Variants in SIL1 observed in about 807,000 individuals in gnomAD.
SIL1 encodes the protein nucleotide exchange factor SIL1.
In SIL1, 40 loss-of-function variants were observed where a neutral mutation model predicts 49.1. The observed-to-expected ratio is 0.81, with a 90% CI of 0.63 to 1.06. SIL1 has a LOEUF of 1.06. Among genes scored for constraint, SIL1 ranks in the 50% least tolerant of loss-of-function variants. SIL1 has a pLI of 0.00. For synonymous variants in SIL1, 253 were observed against 250.8 expected (o/e 1.01, Z -0.08); for missense variants, 500 against 572.6 (o/e 0.87, Z 1.29).
intron 5 of SIL1, among the ~76,000 whole-genome samples, chr5:139,040,515 T>G (rs77883467): frequency 7.1e-5 from 8 of 113,016 alleles, no homozygotes; most frequent in African/African-American, 2.6e-4. Flanking sequence ...TTTTTTTTTT[T>G]GAGACAGAGT....
At chr5:139,037,893 A>C (rs1414800394) in intron 5 of SIL1, among the ~76,000 whole-genome samples, 1 of 152,198 alleles carries the variant, frequency 6.6e-6, no homozygotes, top group Non-Finnish European at 1.5e-5. Flanking sequence ...CAGCTTAAAC[A>C]ACATACATTT....
chr5:139,074,804 A>G (rs1769908970), intron 3 of SIL1, among the ~76,000 whole-genome samples: 6 of 140,528 alleles, frequency 4.3e-5, no homozygotes, highest in Admixed American at 7.1e-5. Flanking sequence ...AGAACTAAGC[A>G]TCTCTTTCTC....
At chr5:139,037,212 T>C (rs1485039224) in intron 5 of SIL1, among the ~76,000 whole-genome samples, 4 of 152,148 alleles carry the variant, frequency 2.6e-5, no homozygotes, top group African/African-American at 9.7e-5. Context: ...CGCTCAATCA[T>C]TGTTCCCCTA....
At chr5:139,106,913 G>A (rs926154438) in intron 3 of SIL1, among the ~76,000 whole-genome samples, 10 of 152,340 alleles carry the variant, frequency 6.6e-5, no homozygotes, top group South Asian at 4.1e-4. Context: ...ATCAAACAAT[G>A]AGCGTAGGGG....
At chr5:138,999,235 G>A (rs1024494112) in intron 7 of SIL1, among the ~76,000 whole-genome samples, 4 of 152,148 alleles carry the variant, frequency 2.6e-5, no homozygotes, top group African/African-American at 9.7e-5. Context: ...TTTTCCATCA[G>A]TGTTTTATAG....
chr5:138,991,732 A>G lies in SIL1; in HGVS notation c.767+29439T>C, dbSNP rs147864340. Among the ~76,000 whole-genome samples the G allele has an allele frequency of 2.0e-5, 3 of 152,356 alleles. No individual in the cohort carries two copies. The East Asian group carries it at 5.8e-4, about 29-fold the overall frequency. On this transcript the variant is annotated intron_variant, in intron 7 of 9. Coordinates refer to ENST00000394817, the MANE Select transcript of SIL1 (RefSeq NM_022464.5). ...AAGAAGAGCTGCTGGGAGAGAATAC[A>G]TCTAACTGATCAGAATTTAACAAAC... is the stretch of plus-strand genomic sequence containing the variant.
At chr5:139,030,899 T>C (rs1768776727) in intron 5 of SIL1, among the ~76,000 whole-genome samples, 1 of 152,224 alleles carries the variant, frequency 6.6e-6, no homozygotes. Context: ...GCAATGTAGT[T>C]GCTTTAATGT....
intron 1 of SIL1, among the ~76,000 whole-genome samples, chr5:139,167,014 G>C (rs1222267460): frequency 1.3e-5 from 2 of 151,954 alleles, no homozygotes; most frequent in Non-Finnish European, 1.5e-5. Context: ...GGGTTTCACC[G>C]TGTTAGCCAG....
chr5:139,068,893 G>A (rs948074641), intron 3 of SIL1, among the ~76,000 whole-genome samples: 2 of 152,138 alleles, frequency 1.3e-5, no homozygotes, highest in African/African-American at 2.4e-5. Flanking sequence ...TATAAAAACT[G>A]TAACTTCCTG....
At chr5:139,021,421 G>A (rs1176013349) in intron 6 of SIL1, 129 bp from the exon 7 acceptor site, 6 of 1,403,530 alleles carry the variant, frequency 4.3e-6, no homozygotes, top group Non-Finnish European at 5.9e-6. Context: ...TGGCCTTTTT[G>A]ACTAAGAAAA....
At chr5:139,087,548 A>C (rs1476390788) in intron 3 of SIL1, among the ~76,000 whole-genome samples, 2 of 152,104 alleles carry the variant, frequency 1.3e-5, no homozygotes, top group African/African-American at 2.4e-5. Context: ...CTATCTCAAA[A>C]AATAAAAATA....
rs112548301 is a variant in SIL1, at chr5:139,194,170, A to T, written c.-11+4099T>A. On this transcript the variant is annotated intron_variant, in intron 1 of 9. Transcript: ENST00000394817. ...CTGAAGGAACTACAAGTCTGGGCTG[A>T]ATATAGTTTTGTTGCTACTGGATTC... is the stretch of plus-strand genomic sequence containing the variant. Among the ~76,000 whole-genome samples, 586 of 152,336 alleles carry T rather than the reference A, an allele frequency of 3.8e-3. 6 individuals carry two copies. Among genetic ancestry groups the T allele is most frequent in the Middle Eastern group, 0.014 (4 of 294 alleles).
intron 1 of SIL1, among the ~76,000 whole-genome samples, chr5:139,138,749 A>G (rs927642580): frequency 2.0e-5 from 3 of 152,230 alleles, no homozygotes; most frequent in Non-Finnish European, 4.4e-5. Flanking sequence ...TAAAGCTTAT[A>G]GCTCTCACTA....
At position 139,095,818 on chromosome 5, in the gene SIL1, A is replaced by G. The variant is rs575692344; in HGVS notation, c.244+25217T>C. ...ACTCCAGCTGGAGCAACAGAGCAAG[A>G]CCCTGTGTCAAAATTTAAAAAAAAA... On this transcript the variant is annotated intron_variant, in intron 3 of 9. Transcript: ENST00000394817. Among the ~76,000 whole-genome samples, 116 of 151,852 alleles carry G rather than the reference A, an allele frequency of 7.6e-4. 3 individuals carry two copies. In the South Asian group the frequency reaches 0.023, roughly 30 times the overall value.
chr5:139,129,807 C>A (rs1351144785), intron 1 of SIL1, among the ~76,000 whole-genome samples: 1 of 152,160 alleles, frequency 6.6e-6, no homozygotes, highest in East Asian at 1.9e-4. Flanking sequence ...ATCTTAACGA[C>A]CTTGGATTTA....
At chr5:139,112,099 G>A (rs981089153) in intron 3 of SIL1, among the ~76,000 whole-genome samples, 18 of 152,232 alleles carry the variant, frequency 1.2e-4, no homozygotes, top group African/African-American at 4.1e-4. Flanking sequence ...CGCCAGCCTC[G>A]GCCTCCCGAG....
At chr5:138,968,350 C>T (rs762704746) in intron 7 of SIL1, among the ~76,000 whole-genome samples, 1 of 152,092 alleles carries the variant, frequency 6.6e-6, no homozygotes, top group Non-Finnish European at 1.5e-5. Context: ...TGAAAATGAC[C>T]CTGTTTCAGG....
intron 3 of SIL1, among the ~76,000 whole-genome samples, chr5:139,060,728 A>G (rs1769566637): frequency 6.6e-6 from 1 of 152,188 alleles, no homozygotes; most frequent in African/African-American, 2.4e-5. Context: ...AAATCCTTGA[A>G]CAGCAATTAG....
At chr5:139,067,776 G>A (rs1039911969) in intron 3 of SIL1, among the ~76,000 whole-genome samples, 2 of 152,184 alleles carry the variant, frequency 1.3e-5, no homozygotes, top group African/African-American at 4.8e-5. Flanking sequence ...CAAGGCTTTT[G>A]GGCATCTGGC....
Sources: allele counts gnomAD v4.1 joint callset (sites outside exome capture counted in the v4.1 genomes callset), GRCh38; gene constraint gnomAD v4.1.1; transcripts MANE v1.5; gene names NCBI Gene and HGNC (gene_info 2026-07-23, HGNC 2026-07-21).